The following CNNM3 variants were observed in gnomAD, a reference collection of about 807,000 sequenced individuals.
CNNM3 encodes the protein cyclin and CBS domain divalent metal cation transport mediator 3, also known as metal transporter CNNM3.
Under a neutral mutation model 57.1 loss-of-function variants are expected in CNNM3, and 47 were observed. The observed-to-expected ratio is 0.82, with a 90% confidence interval of 0.65 to 1.05. The LOEUF (loss-of-function observed/expected upper bound fraction) is 1.05. Ranked by LOEUF, CNNM3 falls within the 50% of genes least tolerant of loss-of-function variation. The pLI is 0.00. For missense variants in CNNM3, 957 were observed against 973.7 expected, an observed-to-expected ratio of 0.98 and a Z score of 0.23; for synonymous variants, 507 against 478.2, an observed-to-expected ratio of 1.06 and a Z score of -0.79.
rs1003355845 is a variant in CNNM3, at chr2:96,835,369, C to T, written c.*2753C>T. ...GGGGCTATTCCAAATAAAGCTGCTA[C>T]GACTATTCATGTACAGGTTTCTGTG... is the stretch of plus-strand genomic sequence containing the variant. On this transcript the variant is annotated 3_prime_UTR_variant, in exon 8 of 8. Transcript: ENST00000305510. Among the ~76,000 whole-genome samples the T allele has an allele frequency of 1.3e-5, 2 of 152,004 alleles. No individual in the cohort carries two copies. Among genetic ancestry groups the T allele is most frequent in the Non-Finnish European group, 2.9e-5 (2 of 68,032 alleles).
chr2:96,831,950 C>T (rs905476152), intron 7 of CNNM3: 5 of 982,352 alleles, frequency 5.1e-6, no homozygotes, highest in Non-Finnish European at 6.0e-6. Context: ...CCTCTTCTTT[C>T]TCTCTCTGCT....
chr2:96,825,811 G>A (rs542379875), intron 2 of CNNM3, among the ~76,000 whole-genome samples: 63 of 139,676 alleles, frequency 4.5e-4, no homozygotes, highest in Admixed American at 2.6e-3. Context: ...TGAGGCAGAA[G>A]AATCGCTTGA....
intron 2 of CNNM3, 53 bp downstream of exon 2, chr2:96,825,254 A>C: frequency 6.3e-7 from 1 of 1,596,328 alleles, no homozygotes; most frequent in Non-Finnish European, 8.6e-7. Flanking sequence ...ACACTTCCCC[A>C]GGCGTATGTT....
intron 7 of CNNM3, among the ~76,000 whole-genome samples, chr2:96,831,734 C>T (rs538329884): frequency 2.8e-4 from 43 of 152,336 alleles, no homozygotes; most frequent in African/African-American, 2.4e-4. Context: ...ACTGTATTGC[C>T]GAGGGAAAGG....
chr2:96,822,356 T>G (rs1199241787), intron 1 of CNNM3, among the ~76,000 whole-genome samples: 2 of 152,084 alleles, frequency 1.3e-5, no homozygotes, highest in Non-Finnish European at 2.9e-5. Flanking sequence ...TCACCTGGGT[T>G]GGAGTGCAGT....
At chr2:96,822,002 ATTATTT>A (rs1333351432) in intron 1 of CNNM3, among the ~76,000 whole-genome samples, 130 of 149,310 alleles carry the variant, frequency 8.7e-4, no homozygotes, top group African/African-American at 3.1e-3. Context: ...TATTATTATT[ATTATTT>A]TTTTTTTTTT....
chr2:96,828,969 G>A lies in CNNM3; in HGVS notation c.1921-27G>A. ...CTTCTGCATCTCGCTTCACCAATTG[G>A]GTCCCAGTAACGCTGTCATCCTCCA... On this transcript the variant is annotated intron_variant, in intron 6 of 7. Transcript: ENST00000305510. 2 of 1,609,928 alleles carry A rather than the reference G, an allele frequency of 1.2e-6. 1 individual carries two copies. Among genetic ancestry groups the A allele is most frequent in the Non-Finnish European group, 1.7e-6 (2 of 1,176,818 alleles).
chr2:96,816,660 C>T lies in CNNM3; in HGVS notation c.383C>T (p.Ala128Val), dbSNP rs561303055. 106 of 1,054,906 alleles carry T rather than the reference C, an allele frequency of 1.0e-4. No individual in the cohort carries two copies. The African/African-American group carries it at 1.8e-3, about 17-fold the overall frequency. The allele number at this position is 1,054,906 out of a possible 1,614,324, so 65.3% of individuals were successfully genotyped here. ...AVRVEPGGGA[A>V]EEAAPPWALG... ...CGCGTGGAGCCGGGTGGCGGGGCGG[C>T]TGAGGAGGCGGCGCCGCCCTGGGCT... Residue 128 changes from alanine (A) to valine (V), a missense_variant, in exon 1 of 8, where the codon GCT becomes GTT. Around this residue, in one of 2 missense-constraint regions of CNNM3, gnomAD observed 466 missense variants for 403.1 expected, o/e 1.16. Transcript: ENST00000305510.
At chr2:96,827,592 G>A (rs2079530577) in intron 3 of CNNM3, 139 bp from the exon 4 acceptor site, 3 of 732,858 alleles carry the variant, frequency 4.1e-6, no homozygotes, top group African/African-American at 1.8e-5. Context: ...TTGTGTTGAG[G>A]TGTTAGGGGC....
intron 1 of CNNM3, among the ~76,000 whole-genome samples, chr2:96,819,138 G>T (rs1274966016): frequency 6.6e-6 from 1 of 152,172 alleles, no homozygotes. Flanking sequence ...GGTGCTCCTG[G>T]CTGTGTCCCT....
chr2:96,826,947 A>G lies in CNNM3; in HGVS notation c.1484A>G (p.Gln495Arg). ...DDEYKVTISPQLLLATQRFLS... is the reference protein window; with the variant it reads ...DDEYKVTISPRLLLATQRFLS... ...GAATATAAAGTAACAATCTCGCCTCAGCTGCTCTTGGCCACCCAGCGCTTC... is the reference window on the plus strand; with the variant it reads ...GAATATAAAGTAACAATCTCGCCTCGGCTGCTCTTGGCCACCCAGCGCTTC... The change falls in exon 3 of 8, where the codon CAG (glutamine) becomes CGG (arginine). Residue 495 changes from glutamine to arginine, a missense_variant. Physicochemically the swap from Gln to Arg is conservative, Grantham distance 43 (BLOSUM62 1). Around this residue, in one of 2 missense-constraint regions of CNNM3, gnomAD observed 491 missense variants for 570.6 expected, o/e 0.86. Transcript: ENST00000305510. The G allele has an allele frequency of 6.2e-7, 1 of 1,614,204 alleles. No individual in the cohort carries two copies. Among genetic ancestry groups the G allele is most frequent in the East Asian group, 2.2e-5 (1 of 44,882 alleles).
chr2:96,825,288 G>A (rs982444835), intron 2 of CNNM3, 87 bp downstream of exon 2: 3 of 1,502,880 alleles, frequency 2.0e-6, no homozygotes, highest in African/African-American at 1.4e-5. Context: ...GTGGGCCTCT[G>A]TGCTGCTGGA....
chr2:96,835,634 G>A (rs939268154), downstream of CNNM3, among the ~76,000 whole-genome samples: 13 of 151,818 alleles, frequency 8.6e-5, no homozygotes, highest in Non-Finnish European at 1.5e-4. Flanking sequence ...CGCCCGGCTA[G>A]TTTTTTGTAT....
At chr2:96,819,366 C>T (rs1340239658) in intron 1 of CNNM3, among the ~76,000 whole-genome samples, 1 of 152,230 alleles carries the variant, frequency 6.6e-6, no homozygotes, top group Non-Finnish European at 1.5e-5. Context: ...TGCTCAGCCT[C>T]TTGTGGTGCA....
rs2079327466 is a variant in CNNM3, at chr2:96,816,841, G to T, written c.564G>T (p.Arg188=). ...CGGCGCGGCGTTTGGAGCCCGCGCG[G>T]CGCTGGGCCGGCTGCGCCTTGGGCG... ...RAAARRLEPA[R]RWAGCALGAL... is the part of the protein sequence containing the mutation. The change falls in exon 1 of 8, where the codon CGG becomes CGT. Residue 188 remains arginine (R), a synonymous_variant. Coordinates refer to ENST00000305510, the MANE Select transcript of CNNM3 (RefSeq NM_017623.5). 2 of 1,050,292 alleles carry T rather than the reference G, an allele frequency of 1.9e-6. No individual in the cohort carries two copies. Among genetic ancestry groups the T allele is most frequent in the Non-Finnish European group, 2.3e-6 (2 of 875,858 alleles). The allele number at this position is 1,050,292 out of a possible 1,614,324, so 65.1% of individuals were successfully genotyped here.
chr2:96,817,370 C>T lies in CNNM3; in HGVS notation c.1093C>T (p.Leu365Phe). The T allele has an allele frequency of 6.2e-7, 1 of 1,614,198 alleles. No individual in the cohort carries two copies. Among genetic ancestry groups the T allele is most frequent in the Non-Finnish European group, 8.5e-7 (1 of 1,180,042 alleles). ...CTCCAACATCGTGGACATGCTCTAC[C>T]TCAAGGACTTGGCCTTCGTGGATCC... The part of the protein sequence containing the change: ...ERSNIVDMLY[L>F]KDLAFVDPED... The change falls in exon 1 of 8, where the codon CTC becomes TTC. Residue 365 changes from leucine to phenylalanine, a missense_variant. Around this residue, in one of 2 missense-constraint regions of CNNM3, gnomAD observed 491 missense variants for 570.6 expected, o/e 0.86. Coordinates refer to ENST00000305510, the MANE Select transcript of CNNM3 (RefSeq NM_017623.5).
At position 96,832,869 on chromosome 2, in the gene CNNM3, A is replaced by G. The variant is rs939873375; in HGVS notation, c.*253A>G. The G allele has an allele frequency of 2.0e-6, 3 of 1,493,672 alleles. No homozygotes were observed. In the African/African-American group the frequency reaches 4.2e-5, roughly 21 times the overall value. The allele number at this position is 1,493,672 out of a possible 1,614,324, so 92.5% of individuals were successfully genotyped here. On this transcript the variant is annotated 3_prime_UTR_variant, in exon 8 of 8. Transcript: ENST00000305510. Reference sequence around the variant, plus strand: ...CCAGGCCCGCCTCAGGAAGGAATGAAAGGAATGCCATCATCTCTAGTTCCC... The same window carrying G: ...CCAGGCCCGCCTCAGGAAGGAATGAGAGGAATGCCATCATCTCTAGTTCCC...
chr2:96,816,604 C>G lies in CNNM3; in HGVS notation c.327C>G (p.Ala109=). The change falls in exon 1 of 8, where the codon GCC becomes GCG. Residue 109 remains alanine, a synonymous_variant. Coordinates refer to ENST00000305510, the MANE Select transcript of CNNM3 (RefSeq NM_017623.5). ...ALLRLRLRAE[A]VRPHSALLAV... ...TGCGCTTGCGCCTGCGGGCCGAGGC[C>G]GTGCGCCCGCACTCGGCGCTGCTGG... 6 of 1,196,090 alleles carry G rather than the reference C, an allele frequency of 5.0e-6. No homozygotes were observed. The highest frequency in any genetic ancestry group is 6.2e-6 in the Non-Finnish European group (6 of 965,406). The allele number at this position is 1,196,090 out of a possible 1,614,324, so 74.1% of individuals were successfully genotyped here.
Position 96,828,618 on chromosome 2 carries a change from C to T in CNNM3, c.1838C>T (p.Pro613Leu). 1 of 1,614,204 alleles carries T rather than the reference C, an allele frequency of 6.2e-7. No individual in the cohort carries two copies. The highest frequency in any genetic ancestry group is 1.1e-5 in the South Asian group (1 of 91,088). ...SLQPIRHDLQ[P>L]DPGDGTHSSA... is the part of the protein sequence containing the mutation. ...CAGCCCATCCGCCATGACCTGCAGC[C>T]CGACCCAGGTGACGGCACGCATTCA... The change falls in exon 6 of 8, where the codon CCC becomes CTC. Residue 613 changes from proline to leucine, a missense_variant. Around this residue, in one of 2 missense-constraint regions of CNNM3, gnomAD observed 491 missense variants for 570.6 expected, o/e 0.86. Coordinates refer to ENST00000305510, the MANE Select transcript of CNNM3 (RefSeq NM_017623.5).
Sources: allele counts gnomAD v4.1 joint callset (sites outside exome capture counted in the v4.1 genomes callset), GRCh38; gene constraint gnomAD v4.1.1; regional missense constraint gnomAD v4.1.1; transcripts MANE v1.5; gene names NCBI Gene and HGNC (gene_info 2026-07-23, HGNC 2026-07-21).